Variants in EVC2 observed in about 807,000 individuals in gnomAD.
The protein encoded by EVC2 is limbin.
A neutral mutation model predicts 149.3 loss-of-function variants in EVC2; 148 were observed. The ratio of observed to expected loss-of-function variants is 0.99; its 90% CI spans 0.87 to 1.14. The LOEUF (loss-of-function observed/expected upper bound fraction) is 1.14, where lower values mean the gene tolerates loss of function less well. Among genes scored for constraint, EVC2 ranks in the 50% most tolerant of loss-of-function variants. The pLI is 0.00. For synonymous variants in EVC2, 776 were observed against 649.9 expected, an observed-to-expected ratio of 1.19 and a Z score of -2.95; for missense variants, 1,854 against 1,627.3, an observed-to-expected ratio of 1.14 and a Z score of -2.40.
At position 5,633,614 on chromosome 4, in the gene EVC2, C is replaced by T. The variant is rs1208081423; in HGVS notation, c.1471-1582G>A. Reference sequence around the variant, plus strand: ...GGGAAAGGCTTACGCGTGCAGGATGCGTGGGTACAGCCATCCCAAATGGCC... The same window carrying T: ...GGGAAAGGCTTACGCGTGCAGGATGTGTGGGTACAGCCATCCCAAATGGCC... On this transcript the variant is annotated intron_variant, in intron 10 of 21. Transcript: ENST00000344408. This position sits in a 1 kb window ranked among gnomAD's most constrained non-coding sequence, Gnocchi z 4.4. Among the ~76,000 whole-genome samples, 1 of 152,152 alleles carries T rather than the reference C, an allele frequency of 6.6e-6. No individual in the cohort carries two copies. Among genetic ancestry groups the T allele is most frequent in the Non-Finnish European group, 1.5e-5 (1 of 68,030 alleles).
downstream of EVC2, among the ~76,000 whole-genome samples, chr4:5,560,969 T>C (rs1721932809): frequency 6.6e-6 from 1 of 152,192 alleles, no homozygotes; most frequent in African/African-American, 2.4e-5. This position sits in a 1 kb window ranked among gnomAD's most constrained non-coding sequence, Gnocchi z 4.1. Flanking sequence ...CAGCAGTTAG[T>C]CTTTCTCTGT....
the EVC2 span, among the ~76,000 whole-genome samples, chr4:5,530,422 T>C: frequency 1.3e-5 from 2 of 152,208 alleles, no homozygotes; most frequent in Non-Finnish European, 2.9e-5. Context: ...TTATTTATTA[T>C]TGTATCTATT....
rs539016138 is a variant in EVC2 at position 5,657,094 on chromosome 4, T to A, written c.1145+6013A>T. Among the ~76,000 whole-genome samples the A allele has an allele frequency of 5.3e-5, 8 of 152,212 alleles. No individual in the cohort carries two copies. The East Asian group carries it at 1.6e-3, about 30-fold the overall frequency. On this transcript the variant is annotated intron_variant, in intron 9 of 21. Transcript: ENST00000344408. The surrounding 1 kb of genome is among the most constrained non-coding windows in gnomAD (Gnocchi z 4.7). Reference sequence around the variant, plus strand: ...GCCTCCATGCCTCCATCCAGACCACTGAGACCACTGCAGGGGAAGGCACCT... The same window carrying A: ...GCCTCCATGCCTCCATCCAGACCACAGAGACCACTGCAGGGGAAGGCACCT...
intron 9 of EVC2, among the ~76,000 whole-genome samples, chr4:5,641,995 T>C (rs61455738): frequency 0.038 from 5,732 of 152,236 alleles, 366 homozygotes; most frequent in African/African-American, 0.13. Context: ...TGTGTCCATA[T>C]GTTCTCATTG....
chr4:5,652,140 G>A (rs1266764718), intron 9 of EVC2, among the ~76,000 whole-genome samples: 1 of 152,200 alleles, frequency 6.6e-6, no homozygotes, highest in Non-Finnish European at 1.5e-5. Flanking sequence ...GGACGGTTAG[G>A]GATGGACGTG....
At chr4:5,626,199 T>C (rs962747541) in intron 12 of EVC2, among the ~76,000 whole-genome samples, 3 of 151,978 alleles carry the variant, frequency 2.0e-5, no homozygotes, top group African/African-American at 7.3e-5. Flanking sequence ...GTTTCCAAGG[T>C]GAGATGGTAG....
chr4:5,644,710 C>A (rs111891296), intron 9 of EVC2, among the ~76,000 whole-genome samples: 5,324 of 152,276 alleles, frequency 0.035, 288 homozygotes, highest in African/African-American at 0.12. Flanking sequence ...GCTCCAGTAA[C>A]CACTATTCTA....
intron 3 of EVC2, among the ~76,000 whole-genome samples, chr4:5,692,537 T>C (rs1202169387): frequency 6.6e-6 from 1 of 152,150 alleles, no homozygotes; most frequent in Non-Finnish European, 1.5e-5. Context: ...ACAACATGCA[T>C]TCCCTCTCCA....
In EVC2 at chr4:5,628,712, T is replaced by C; in HGVS notation, c.1733A>G (p.Asp578Gly). 2 of 1,612,274 alleles carry C rather than the reference T, an allele frequency of 1.2e-6. No individual in the cohort carries two copies. The highest frequency in any genetic ancestry group is 1.7e-5 in the Admixed American group (1 of 59,788). ...KIQENVEELM[D>G]FFQASKRYHL... Reference sequence around the variant, plus strand: ...ATACCTCTTACTAGCCTGGAAAAAGTCCATTAACTCTTCTACATTCTCCTG... The same window carrying C: ...ATACCTCTTACTAGCCTGGAAAAAGCCCATTAACTCTTCTACATTCTCCTG... Residue 578 changes from aspartate to glycine, a missense_variant, in exon 12 of 22, where the codon GAC becomes GGC. Asp to Gly is a moderately conservative substitution (Grantham distance 94). Coordinates refer to ENST00000344408, the MANE Select transcript of EVC2 (RefSeq NM_147127.5).
chr4:5,678,045 A>G (rs1275743784), intron 7 of EVC2, among the ~76,000 whole-genome samples: 8 of 152,180 alleles, frequency 5.3e-5, no homozygotes, highest in South Asian at 2.1e-4. Flanking sequence ...AAGAGTTAAC[A>G]TCTCCAGCCA....
intron 4 of EVC2, among the ~76,000 whole-genome samples, chr4:5,690,064 G>GT (rs1721006139): frequency 2.6e-5 from 4 of 152,238 alleles, no homozygotes; most frequent in Admixed American, 1.3e-4. Flanking sequence ...TCAGAACTGT[G>GT]TGTGTAATAT....
intron 16 of EVC2, among the ~76,000 whole-genome samples, chr4:5,590,725 G>T (rs1224932918): frequency 6.6e-6 from 1 of 152,148 alleles, no homozygotes; most frequent in African/African-American, 2.4e-5. Context: ...ACCACCCTTA[G>T]ATCATGCTAG....
At chr4:5,532,825 C>A in the EVC2 span, among the ~76,000 whole-genome samples, 1 of 151,786 alleles carries the variant, frequency 6.6e-6, no homozygotes, top group Non-Finnish European at 1.5e-5. Context: ...GGGTGGGAAG[C>A]CAAGCATGCG....
At chr4:5,610,914 G>A (rs1301759147) in intron 16 of EVC2, among the ~76,000 whole-genome samples, 1 of 151,074 alleles carries the variant, frequency 6.6e-6, no homozygotes, top group African/African-American at 2.4e-5. Context: ...CCAAATGGAC[G>A]TGGCTTTGAG....
intron 21 of EVC2, among the ~76,000 whole-genome samples, chr4:5,543,865 T>C (rs749951735): frequency 5.8e-4 from 89 of 152,298 alleles, no homozygotes; most frequent in Non-Finnish European, 2.8e-4. Flanking sequence ...GCATAGCACA[T>C]TTCTTGTGCC....
At chr4:5,556,852 G>T (rs551957448) in intron 21 of EVC2, among the ~76,000 whole-genome samples, 172 of 152,258 alleles carry the variant, frequency 1.1e-3, no homozygotes, top group African/African-American at 3.9e-3. Context: ...TGAATCCCTT[G>T]AAAGACAAAC....
chr4:5,628,752 AAAC>A lies in EVC2; in HGVS notation c.1711-21_1711-19del. On this transcript the variant is annotated intron_variant, in intron 11 of 21. Coordinates refer to ENST00000344408, the MANE Select transcript of EVC2 (RefSeq NM_147127.5). The stretch of plus-strand genomic sequence containing the variant: ...ACATTCTCCTGTCAATTAAAAAAAA[AAAC>A]AAGAAAATATGCCTAATTAAAATTT... The A allele has an allele frequency of 1.9e-6, 3 of 1,610,310 alleles. No individual in the cohort carries two copies. The highest frequency in any genetic ancestry group is 2.5e-6 in the Non-Finnish European group (3 of 1,178,630).
chr4:5,660,467 C>T (rs889861798), intron 9 of EVC2, among the ~76,000 whole-genome samples: 1 of 152,188 alleles, frequency 6.6e-6, no homozygotes, highest in Non-Finnish European at 1.5e-5. Flanking sequence ...TCTGGTTCTA[C>T]CTAGGATCTA....
At chr4:5,644,608 C>A (rs116726052) in intron 9 of EVC2, among the ~76,000 whole-genome samples, 4,259 of 152,238 alleles carry the variant, frequency 0.028, 200 homozygotes, top group African/African-American at 0.097. Flanking sequence ...TGGCCACCAT[C>A]TTTTCTTTAA....
Sources: gnomAD v4.1 joint callset for allele counts (sites outside exome capture counted in the v4.1 genomes callset) on GRCh38, gnomAD v4.1.1 for gene constraint, Gnocchi (gnomAD v3.1) non-coding constraint, MANE v1.5 for transcripts, NCBI Gene and HGNC (gene_info 2026-07-23, HGNC 2026-07-21) for gene names.